NDUFAF7: variants seen among roughly 807,000 people sequenced by gnomAD.
NDUFAF7 encodes protein arginine methyltransferase NDUFAF7, mitochondrial.
In NDUFAF7, 48 loss-of-function variants were observed where a neutral mutation model predicts 47.2. The ratio of observed to expected loss-of-function variants is 1.02; its 90% CI spans 0.81 to 1.29. The LOEUF is 1.29. Ranked by LOEUF, NDUFAF7 falls within the 50% of genes most tolerant of loss-of-function variation. The probability of loss-of-function intolerance (pLI) is 0.00; values close to 1 mark genes in which losing one functional copy is unlikely to be tolerated. For missense variants in NDUFAF7, 635 were observed against 537.6 expected, an observed-to-expected ratio of 1.18 and a Z score of -1.79; for synonymous variants, 217 against 190.0, an observed-to-expected ratio of 1.14 and a Z score of -1.17.
At chr2:37,257,803 T>G (rs576698560), downstream of NDUFAF7, among the ~76,000 whole-genome samples, 7 of 152,246 alleles carry the variant, frequency 4.6e-5, no homozygotes, top group South Asian at 1.5e-3. Flanking sequence ...AAAGGTAATT[T>G]TAAATGGGGA....
downstream of NDUFAF7, among the ~76,000 whole-genome samples, chr2:37,257,140 G>A (rs574365097): frequency 3.9e-5 from 6 of 152,244 alleles, no homozygotes; most frequent in Non-Finnish European, 7.4e-5. Context: ...ACAGTATGAA[G>A]AGCTTTCCTA....
chr2:37,233,650 G>A (rs1665445328), intron 2 of NDUFAF7, among the ~76,000 whole-genome samples: 2 of 151,618 alleles, frequency 1.3e-5, no homozygotes, highest in Non-Finnish European at 1.5e-5. Context: ...AGTGAGCCTG[G>A]TGTTCAGAAG....
chr2:37,249,707 G>C (rs1667325518), downstream of NDUFAF7, among the ~76,000 whole-genome samples: 1 of 147,100 alleles, frequency 6.8e-6, no homozygotes, highest in African/African-American at 2.5e-5. Context: ...TCAGATAAAT[G>C]TCAAATTTTA....
intron 9 of NDUFAF7, among the ~76,000 whole-genome samples, 183 bp downstream of exon 9, chr2:37,247,812 T>C (rs567231041): frequency 3.9e-5 from 6 of 152,298 alleles, no homozygotes; most frequent in Admixed American, 3.3e-4. Context: ...CCATGGGAGG[T>C]AGCATTAAGA....
chr2:37,250,686 C>T (rs1291090587), downstream of NDUFAF7: 4 of 151,994 alleles, frequency 2.6e-5, no homozygotes, highest in African/African-American at 9.7e-5. Flanking sequence ...TAGAAATAGG[C>T]TCAGGTTTTC....
the NDUFAF7 span, chr2:37,267,591 G>A: frequency 3.3e-5 from 42 of 1,280,988 alleles, no homozygotes; most frequent in African/African-American, 5.0e-4. Context: ...CTTTATTAGG[G>A]AGTTGTCCAC....
Position 37,248,833 on chromosome 2 carries a change from G to C in NDUFAF7, c.*483G>C, listed in dbSNP as rs4670679. Reference sequence around the variant, plus strand: ...GGAGGCTGAGACAGGAGAATCACTTGAACCTGGGAGGTGGAGGTTGCGGTG... The same window carrying C: ...GGAGGCTGAGACAGGAGAATCACTTCAACCTGGGAGGTGGAGGTTGCGGTG... On this transcript the variant is annotated 3_prime_UTR_variant, in exon 10 of 10. Transcript: ENST00000002125. The C allele has an allele frequency of 0.47, 81,261 of 172,186 alleles. 20,979 individuals carry two copies. The highest frequency in any genetic ancestry group is 0.68 in the East Asian group (4,460 of 6,604). 10.7% of individuals were successfully genotyped at this position (172,186 alleles called of 1,614,324 possible).
chr2:37,237,695 T>C, intron 3 of NDUFAF7, 62 bp from the exon 4 acceptor site: 3 of 1,262,970 alleles, frequency 2.4e-6, no homozygotes, highest in South Asian at 1.3e-5. Context: ...AAATTTTATA[T>C]TGTGGTATAC....
chr2:37,249,639 T>TACACACACACACACACACAC (rs1222412861), downstream of NDUFAF7, among the ~76,000 whole-genome samples: 1 of 59,076 alleles, frequency 1.7e-5, no homozygotes, highest in Admixed American at 2.5e-4. Context: ...TAGCCTGTGA[T>TACACACACACACACACACAC]AGAGACACAC....
At chr2:37,250,619 T>C (rs1390017869), downstream of NDUFAF7, 4 of 152,234 alleles carry the variant, frequency 2.6e-5, no homozygotes, top group Non-Finnish European at 5.9e-5. Flanking sequence ...ATAGTTCTTT[T>C]ACCAAGGTCT....
the NDUFAF7 span, among the ~76,000 whole-genome samples, chr2:37,263,208 T>C: frequency 1.3e-5 from 2 of 152,196 alleles, no homozygotes; most frequent in Non-Finnish European, 2.9e-5. Context: ...AAGGCGCTGA[T>C]ATATATGCAG....
chr2:37,256,465 C>CTATA (rs1667945941), downstream of NDUFAF7, among the ~76,000 whole-genome samples: 1 of 151,988 alleles, frequency 6.6e-6, no homozygotes, highest in Non-Finnish European at 1.5e-5. Context: ...TGCCTGGGAA[C>CTATA]TATACAGAAG....
downstream of NDUFAF7, chr2:37,254,131 CT>C (rs1667746396): frequency 9.1e-7 from 1 of 1,099,292 alleles, no homozygotes; most frequent in Non-Finnish European, 1.4e-6. Flanking sequence ...TTAGAGTGGT[CT>C]CATTAGGTGG....
intron 7 of NDUFAF7, among the ~76,000 whole-genome samples, chr2:37,244,425 C>G (rs1666699146): frequency 6.6e-6 from 1 of 152,154 alleles, no homozygotes; most frequent in Admixed American, 6.5e-5. Context: ...TATTATTATC[C>G]TTCTTTGGGC....
At chr2:37,262,188 C>T in the NDUFAF7 span, among the ~76,000 whole-genome samples, 1 of 152,080 alleles carries the variant, frequency 6.6e-6, no homozygotes, top group African/African-American at 2.4e-5. Flanking sequence ...GCTGATTATG[C>T]TAGGGGGACT....
chr2:37,248,057 G>C (rs1667110478), intron 9 of NDUFAF7, 78 bp from the exon 10 acceptor site: 1 of 1,135,050 alleles, frequency 8.8e-7, no homozygotes. Flanking sequence ...TGGAATATTT[G>C]AGAGTCATTA....
downstream of NDUFAF7, among the ~76,000 whole-genome samples, chr2:37,249,641 G>GACACACAC (rs1452256080): frequency 4.0e-4 from 24 of 59,588 alleles, no homozygotes; most frequent in African/African-American, 2.3e-3. Flanking sequence ...GCCTGTGATA[G>GACACACAC]AGACACACAC....
the NDUFAF7 span, chr2:37,267,703 T>C: frequency 3.5e-6 from 2 of 577,940 alleles, no homozygotes; most frequent in Non-Finnish European, 6.0e-6. Flanking sequence ...AAAAAATTGT[T>C]TTCCCCTCCA....
chr2:37,256,665 C>G, downstream of NDUFAF7: 1 of 858,752 alleles, frequency 1.2e-6, no homozygotes, highest in Non-Finnish European at 1.7e-6. Context: ...TTTTTACCTT[C>G]ACCAGAAATT....
Sources: allele counts gnomAD v4.1 joint callset (sites outside exome capture counted in the v4.1 genomes callset), GRCh38; gene constraint gnomAD v4.1.1; transcripts MANE v1.5; gene names NCBI Gene and HGNC (gene_info 2026-07-23, HGNC 2026-07-21).